The following KCNK13 variants were observed in gnomAD, a reference collection of about 807,000 sequenced individuals.
KCNK13 encodes potassium channel subfamily K member 13.
A neutral mutation model predicts 23.4 loss-of-function variants in KCNK13; 12 were observed. The ratio of observed to expected loss-of-function variants is 0.51; its 90% CI spans 0.33 to 0.83. The LOEUF is 0.83. Ranked by LOEUF, KCNK13 falls within the 40% of genes least tolerant of loss-of-function variation. The pLI, the probability that KCNK13 is intolerant of heterozygous loss-of-function variation, is 0.02. For synonymous variants in KCNK13, 231 were observed against 229.5 expected (o/e 1.01, Z -0.06); for missense variants, 463 against 556.3 (o/e 0.83, Z 1.69).
At chr14:90,096,414 G>A (rs1889411926) in intron 1 of KCNK13, among the ~76,000 whole-genome samples, 1 of 152,046 alleles carries the variant, frequency 6.6e-6, no homozygotes, top group South Asian at 2.1e-4. Context: ...CAGGAACCAG[G>A]GACAAAGACC....
chr14:90,062,264 T>C lies in KCNK13; in HGVS notation c.59T>C (p.Phe20Ser). ...CACCTGAACGAGGACAACGCGCGCT[T>C]TCTGCTGCTGGCCGCGCTCATCGTG... Reference protein sequence around the residue: ...PGHLNEDNARFLLLAALIVLY... With the variant: ...PGHLNEDNARSLLLAALIVLY... The change falls in exon 1 of 2, where the codon TTT becomes TCT. Residue 20 changes from phenylalanine (F) to serine (S), a missense_variant. Transcript: ENST00000282146. The surrounding 1 kb of genome is among the most constrained non-coding windows in gnomAD (Gnocchi z 4.5). The C allele has an allele frequency of 6.6e-7, 1 of 1,513,246 alleles. No individual in the cohort carries two copies. The highest frequency in any genetic ancestry group is 8.8e-7 in the Non-Finnish European group (1 of 1,134,722). The allele number at this position is 1,513,246 out of a possible 1,614,324, so 93.7% of individuals were successfully genotyped here.
At chr14:90,093,941 TG>T (rs1374657809) in intron 1 of KCNK13, among the ~76,000 whole-genome samples, 2 of 152,180 alleles carry the variant, frequency 1.3e-5, no homozygotes, top group African/African-American at 4.8e-5. Flanking sequence ...CTTGCCATAT[TG>T]GGATTTGTTT....
intron 1 of KCNK13, among the ~76,000 whole-genome samples, chr14:90,135,789 G>A (rs993092960): frequency 4.6e-5 from 7 of 152,142 alleles, no homozygotes; most frequent in African/African-American, 1.7e-4. Flanking sequence ...TGAGTGTAGG[G>A]ATCTGGCATT....
chr14:90,099,114 A>C (rs1481126796), intron 1 of KCNK13, among the ~76,000 whole-genome samples: 2 of 152,050 alleles, frequency 1.3e-5, no homozygotes, highest in Non-Finnish European at 2.9e-5. Context: ...AAAATCACCT[A>C]TTCAGAGTGA....
chr14:90,127,353 A>G (rs1308133547), intron 1 of KCNK13, among the ~76,000 whole-genome samples: 2 of 152,050 alleles, frequency 1.3e-5, no homozygotes, highest in African/African-American at 2.4e-5. Flanking sequence ...CAGGGAATGA[A>G]ACCTGTGTGT....
chr14:90,094,275 A>C (rs1009132189), intron 1 of KCNK13, among the ~76,000 whole-genome samples: 2 of 152,054 alleles, frequency 1.3e-5, no homozygotes, highest in African/African-American at 4.8e-5. Context: ...TATTCACATG[A>C]CCTCCCAAAG....
intron 1 of KCNK13, among the ~76,000 whole-genome samples, chr14:90,168,988 A>G (rs1461169795): frequency 6.6e-6 from 1 of 152,042 alleles, no homozygotes. Context: ...TTCACCTTCC[A>G]CCATGATTGT....
At chr14:90,099,133 G>A (rs997862832) in intron 1 of KCNK13, among the ~76,000 whole-genome samples, 6 of 151,950 alleles carry the variant, frequency 3.9e-5, no homozygotes, top group Admixed American at 3.9e-4. Flanking sequence ...GACCACTTAC[G>A]TTTTTGTGCG....
chr14:90,148,392 G>A (rs1890097816), intron 1 of KCNK13, among the ~76,000 whole-genome samples: 2 of 152,200 alleles, frequency 1.3e-5, no homozygotes, highest in Non-Finnish European at 1.5e-5. Flanking sequence ...GGCCTTACTG[G>A]CCCATCATGG....
chr14:90,107,916 G>T, intron 1 of KCNK13: 1 of 755,384 alleles, frequency 1.3e-6, no homozygotes, highest in Non-Finnish European at 2.5e-6. Context: ...GATTGTATAG[G>T]CAGATGCAGT....
At chr14:90,072,979 C>G (rs1312565459) in intron 1 of KCNK13, among the ~76,000 whole-genome samples, 1 of 152,160 alleles carries the variant, frequency 6.6e-6, no homozygotes, top group Non-Finnish European at 1.5e-5. Context: ...TTAATACTCT[C>G]ATGTTGCAAA....
intron 1 of KCNK13, among the ~76,000 whole-genome samples, chr14:90,119,312 A>AT (rs1370277251): frequency 6.6e-6 from 1 of 152,174 alleles, no homozygotes; most frequent in Non-Finnish European, 1.5e-5. Flanking sequence ...GGTCATTCTG[A>AT]TACCAAAACC....
At position 90,062,701 on chromosome 14, in the gene KCNK13, C is replaced by T. The variant is rs1888960669; in HGVS notation, c.334+162C>T. Among the ~76,000 whole-genome samples the T allele has an allele frequency of 6.6e-6, 1 of 152,196 alleles. No individual in the cohort carries two copies. Among genetic ancestry groups the T allele is most frequent in the Non-Finnish European group, 1.5e-5 (1 of 68,038 alleles). On this transcript the variant is annotated intron_variant, in intron 1 of 1. Coordinates refer to ENST00000282146, the MANE Select transcript of KCNK13 (RefSeq NM_022054.4). The surrounding 1 kb of genome is among the most constrained non-coding windows in gnomAD (Gnocchi z 4.5). Reference sequence around the variant, plus strand: ...ATCAACAGGTGGTATTGCCTCCCCGCTGCTCTAATGTGGTCCAGGCACCGG... The same window carrying T: ...ATCAACAGGTGGTATTGCCTCCCCGTTGCTCTAATGTGGTCCAGGCACCGG...
At chr14:90,087,894 G>C (rs1338761626) in intron 1 of KCNK13, among the ~76,000 whole-genome samples, 3 of 152,176 alleles carry the variant, frequency 2.0e-5, no homozygotes, top group Admixed American at 2.0e-4. Context: ...CTACCCTGTG[G>C]TTTCAGCATG....
chr14:90,145,377 A>G (rs957067515), intron 1 of KCNK13, among the ~76,000 whole-genome samples: 3 of 152,162 alleles, frequency 2.0e-5, no homozygotes, highest in Non-Finnish European at 4.4e-5. Context: ...TGGGCGACAG[A>G]GCAAGACCCT....
At chr14:90,151,701 C>T (rs1292766690) in intron 1 of KCNK13, among the ~76,000 whole-genome samples, 1 of 152,114 alleles carries the variant, frequency 6.6e-6, no homozygotes, top group African/African-American at 2.4e-5. Context: ...AAAATCATTG[C>T]CAAAACCAAT....
chr14:90,136,685 T>G (rs917612378), intron 1 of KCNK13, among the ~76,000 whole-genome samples: 1 of 151,948 alleles, frequency 6.6e-6, no homozygotes, highest in East Asian at 1.9e-4. Flanking sequence ...GAGCAAGGAG[T>G]CCTTCATCTC....
In KCNK13 at chr14:90,135,807, G is replaced by C. The variant is rs17126579; in HGVS notation, c.335-48304G>C. Among the ~76,000 whole-genome samples, 668 of 152,284 alleles carry C rather than the reference G, an allele frequency of 4.4e-3. 6 individuals are homozygous for C. Among genetic ancestry groups the C allele is most frequent in the African/African-American group, 0.015 (630 of 41,552 alleles). ...GTGTAGGGATCTGGCATTGTTTGTAGAGTATTAAAGAAGTTTCCCAAAGGC... is the reference window on the plus strand; with the variant it reads ...GTGTAGGGATCTGGCATTGTTTGTACAGTATTAAAGAAGTTTCCCAAAGGC... On this transcript the variant is annotated intron_variant, in intron 1 of 1. Transcript: ENST00000282146.
intron 1 of KCNK13, among the ~76,000 whole-genome samples, chr14:90,087,095 T>C (rs755650383): frequency 2.1e-5 from 3 of 145,764 alleles, no homozygotes; most frequent in Non-Finnish European, 3.0e-5. Flanking sequence ...TTAATTTTAT[T>C]ATTTCATTTT....
Sources: allele counts gnomAD v4.1 joint callset (sites outside exome capture counted in the v4.1 genomes callset), GRCh38; gene constraint gnomAD v4.1.1; non-coding constraint Gnocchi (gnomAD v3.1); transcripts MANE v1.5; gene names NCBI Gene and HGNC (gene_info 2026-07-23, HGNC 2026-07-21).